ZNF331: variants seen among roughly 807,000 people sequenced by gnomAD.
ZNF331 encodes zinc finger protein 331.
Under a neutral mutation model 7.0 loss-of-function variants are expected in ZNF331, and 2 were observed. The ratio of observed to expected loss-of-function variants is 0.29; its 90% confidence interval spans 0.12 to 0.90. The LOEUF is 0.90. ZNF331 is among the 40% of genes least tolerant of loss of function. The pLI is 0.58. For missense variants in ZNF331, 432 were observed against 587.7 expected (o/e 0.74, Z 2.74); for synonymous variants, 196 against 205.4 (o/e 0.95, Z 0.39).
intron 2 of ZNF331, among the ~76,000 whole-genome samples, chr19:53,544,656 CTG>C (rs745990678): frequency 1.3e-5 from 2 of 151,976 alleles, no homozygotes; most frequent in African/African-American, 2.4e-5. Flanking sequence ...GTTGTTGAAA[CTG>C]TATTCTCTGG....
At chr19:53,546,139 GGA>G (rs1491149318) in intron 2 of ZNF331, among the ~76,000 whole-genome samples, 1 of 29,832 alleles carries the variant, frequency 3.4e-5, no homozygotes, top group African/African-American at 8.4e-5. Flanking sequence ...ATCCTGAGGG[GGA>G]AAAAAAAAAA....
intron 2 of ZNF331, among the ~76,000 whole-genome samples, chr19:53,528,270 G>A (rs573496746): frequency 5.9e-5 from 9 of 152,258 alleles, no homozygotes; most frequent in African/African-American, 2.2e-4. Flanking sequence ...TTAACATCAG[G>A]CTTGGAAAGT....
upstream of ZNF331, among the ~76,000 whole-genome samples, chr19:53,514,792 A>G (rs2086863588): frequency 6.6e-6 from 1 of 150,748 alleles, no homozygotes; most frequent in African/African-American, 2.4e-5. Flanking sequence ...CTGGGACTAC[A>G]GAAGCCCGCC....
intron 2 of ZNF331, among the ~76,000 whole-genome samples, chr19:53,546,946 G>A (rs2088657293): frequency 6.6e-6 from 1 of 152,148 alleles, no homozygotes; most frequent in Non-Finnish European, 1.5e-5. Context: ...ATCTAGGGCA[G>A]AGGTTGGCAG....
chr19:53,534,527 TC>T (rs1213980855), upstream of ZNF331, among the ~76,000 whole-genome samples: 1 of 152,170 alleles, frequency 6.6e-6, no homozygotes, highest in East Asian at 1.9e-4. Flanking sequence ...CCTCAAGTGA[TC>T]CGCCCACCTC....
At chr19:53,548,740 G>A (rs1250681333) in intron 2 of ZNF331, among the ~76,000 whole-genome samples, 3 of 152,110 alleles carry the variant, frequency 2.0e-5, no homozygotes, top group Non-Finnish European at 4.4e-5. Flanking sequence ...ATTGCCAAGG[G>A]CGATGTGAAG....
chr19:53,546,140 G>GAAAAAAAAAAAAAAAAAAACAAAA (rs2088589471), intron 2 of ZNF331, among the ~76,000 whole-genome samples: 1 of 113,484 alleles, frequency 8.8e-6, no homozygotes, highest in Non-Finnish European at 1.9e-5. Context: ...TCCTGAGGGG[G>GAAAAAAAAAAAAAAAAAAACAAAA]AAAAAAAAAA....
At chr19:53,544,281 C>T (rs866199760) in intron 2 of ZNF331, among the ~76,000 whole-genome samples, 4 of 148,772 alleles carry the variant, frequency 2.7e-5, no homozygotes, top group Non-Finnish European at 4.4e-5. Context: ...TGTGGTGGCT[C>T]ATGCCTGTAA....
Position 53,530,342 on chromosome 19 carries a change from A to T in ZNF331, c.-205+7658A>T, listed in dbSNP as rs1303171321. ...CCAGGCCCCACCTCCAGCACTGGGGATGACAGTTCACCTCCCACCAGGCCC... is the reference window on the plus strand; with the variant it reads ...CCAGGCCCCACCTCCAGCACTGGGGTTGACAGTTCACCTCCCACCAGGCCC... On this transcript the variant is annotated intron_variant, in intron 2 of 6. Coordinates refer to the ZNF331 transcript ENST00000253144. 1.3e-5 allele frequency among the ~76,000 whole-genome samples: 2 copies of T among 149,942 alleles called. 1 individual carries two copies. The highest frequency in any genetic ancestry group is 4.9e-5 in the African/African-American group (2 of 40,482).
At chr19:53,561,599 C>G (rs1327170381) in intron 3 of ZNF331, among the ~76,000 whole-genome samples, 1 of 152,090 alleles carries the variant, frequency 6.6e-6, no homozygotes, top group Non-Finnish European at 1.5e-5. Context: ...ATCAAGAAAG[C>G]CTTTAAAATT....
At chr19:53,526,253 C>G (rs1290350248) in intron 2 of ZNF331, among the ~76,000 whole-genome samples, 1 of 152,044 alleles carries the variant, frequency 6.6e-6, no homozygotes, top group Non-Finnish European at 1.5e-5. Flanking sequence ...CTTGCAGTGT[C>G]CTTGTTGGGT....
At chr19:53,572,956 C>T (rs971476987) in intron 5 of ZNF331, among the ~76,000 whole-genome samples, 9 of 152,084 alleles carry the variant, frequency 5.9e-5, no homozygotes, top group African/African-American at 2.2e-4. Context: ...CAGTGGCTCA[C>T]GCCTGTAATC....
At chr19:53,522,671 A>C (rs550843499) in exon 2 of ZNF331, 25 of 152,148 alleles carry the variant, frequency 1.6e-4, no homozygotes, top group Non-Finnish European at 2.6e-4. Context: ...ATATGTCCTA[A>C]AGTAAGGTTT....
chr19:53,537,404 G>T (rs759591064), upstream of ZNF331: 1 of 152,306 alleles, frequency 6.6e-6, no homozygotes, highest in South Asian at 2.1e-4. Flanking sequence ...CTCCAGAGGG[G>T]CTAGGAGAGG....
In ZNF331 at chr19:53,556,768, G is replaced by A. The variant is rs547466928; in HGVS notation, c.-74+860G>A. Among the ~76,000 whole-genome samples, 203 of 152,140 alleles carry A rather than the reference G, an allele frequency of 1.3e-3. 2 individuals carry two copies. The highest frequency in any genetic ancestry group is 3.8e-3 in the African/African-American group (157 of 41,516). ...TCTTCCCACCCCAGCCTCCCAAGTAGCTGGGGCTACTGGTGTGTGCCACCA... is the reference window on the plus strand; with the variant it reads ...TCTTCCCACCCCAGCCTCCCAAGTAACTGGGGCTACTGGTGTGTGCCACCA... On this transcript the variant is annotated intron_variant, in intron 3 of 5. Coordinates refer to ENST00000449416, the MANE Select transcript of ZNF331 (RefSeq NM_001079906.2).
intron 2 of ZNF331, among the ~76,000 whole-genome samples, chr19:53,542,316 A>G (rs1303877151): frequency 6.6e-6 from 1 of 152,234 alleles, no homozygotes; most frequent in Non-Finnish European, 1.5e-5. Flanking sequence ...CAAATTTTCA[A>G]GAAAGACAGC....
In ZNF331 at chr19:53,563,445, A is replaced by G. The variant is rs145219845; in HGVS notation, c.-73-5859A>G. On this transcript the variant is annotated intron_variant, in intron 3 of 5. Coordinates refer to ENST00000449416, the MANE Select transcript of ZNF331 (RefSeq NM_001079906.2). ...TTCTCTACTTACTGGTGGAGAGGCAACATTTCCCTAAATGTGTCTTAGAAT... is the reference window on the plus strand; with the variant it reads ...TTCTCTACTTACTGGTGGAGAGGCAGCATTTCCCTAAATGTGTCTTAGAAT... Among the ~76,000 whole-genome samples, 526 of 152,294 alleles carry G rather than the reference A, an allele frequency of 3.5e-3. 6 individuals carry two copies. The highest frequency in any genetic ancestry group is 0.012 in the African/African-American group (493 of 41,570).
chr19:53,508,676 C>A, the ZNF331 span, among the ~76,000 whole-genome samples: 1 of 152,166 alleles, frequency 6.6e-6, no homozygotes, highest in Non-Finnish European at 1.5e-5. Flanking sequence ...TCTCTCTGAC[C>A]ATTCCAGGCA....
chr19:53,572,547 A>G (rs1490751811), intron 5 of ZNF331, among the ~76,000 whole-genome samples: 1 of 107,636 alleles, frequency 9.3e-6, no homozygotes, highest in African/African-American at 6.1e-5. Context: ...ACACACATAT[A>G]TATTATATAT....
Sources: allele counts gnomAD v4.1 joint callset (sites outside exome capture counted in the v4.1 genomes callset), GRCh38; gene constraint gnomAD v4.1.1; transcripts MANE v1.5; gene names NCBI Gene and HGNC (gene_info 2026-07-23, HGNC 2026-07-21).